The following FHOD3 variants were observed in gnomAD, a reference collection of about 807,000 sequenced individuals.
The protein encoded by FHOD3 is formin homology 2 domain containing 3, also known as FH1/FH2 domain-containing protein 3.
A neutral mutation model predicts 173.0 loss-of-function variants in FHOD3; 90 were observed. The ratio of observed to expected loss-of-function variants is 0.52; its 90% confidence interval spans 0.44 to 0.62. The LOEUF (loss-of-function observed/expected upper bound fraction) is 0.62. Among genes scored for constraint, FHOD3 ranks in the 20% least tolerant of loss-of-function variants. The pLI is 0.00. For missense variants in FHOD3, 1,945 were observed against 2,034.7 expected, an observed-to-expected ratio of 0.96 and a Z score of 0.85; for synonymous variants, 828 against 823.0, an observed-to-expected ratio of 1.01 and a Z score of -0.10.
chr18:36,505,147 T>C (rs59079585), intron 4 of FHOD3, among the ~76,000 whole-genome samples: 5,599 of 152,320 alleles, frequency 0.037, 313 homozygotes, highest in African/African-American at 0.13. Flanking sequence ...CATTACTCAT[T>C]GTGTGTGTTT....
At chr18:36,645,806 A>C (rs1173481235) in intron 10 of FHOD3, among the ~76,000 whole-genome samples, 1 of 152,210 alleles carries the variant, frequency 6.6e-6, no homozygotes, top group African/African-American at 2.4e-5. Flanking sequence ...TTTTTTTAAA[A>C]AAGCAGTCTT....
At chr18:36,722,811 G>A (rs1294538332) in intron 19 of FHOD3, among the ~76,000 whole-genome samples, 1 of 152,206 alleles carries the variant, frequency 6.6e-6, no homozygotes, top group Non-Finnish European at 1.5e-5. Context: ...AAAATGAGGC[G>A]CTGAAGGAGC....
At chr18:36,662,434 C>G (rs1433395885) in intron 14 of FHOD3, among the ~76,000 whole-genome samples, 1 of 152,166 alleles carries the variant, frequency 6.6e-6, no homozygotes, top group Non-Finnish European at 1.5e-5. Context: ...TGCTGAAACC[C>G]AAAGGATCAT....
intron 1 of FHOD3, among the ~76,000 whole-genome samples, chr18:36,351,421 A>G (rs1305475495): frequency 6.6e-6 from 1 of 152,180 alleles, no homozygotes; most frequent in Non-Finnish European, 1.5e-5. Context: ...CAGAAGGGAT[A>G]TAACTGAGGA....
At position 36,737,283 on chromosome 18, in the gene FHOD3, A is replaced by G. The variant is rs1417411357; in HGVS notation, c.3577-3373A>G. Among the ~76,000 whole-genome samples, 3 of 152,362 alleles carry G rather than the reference A, an allele frequency of 2.0e-5. No individual in the cohort carries two copies. The East Asian group carries it at 5.8e-4, about 29-fold the overall frequency. ...CAGGAAGATGTCTTCTGAAGGTTGT[A>G]CAAAGTGTTGACAGTTTTTCATTTT... is the stretch of plus-strand genomic sequence containing the variant. On this transcript the variant is annotated intron_variant, in intron 20 of 28. Coordinates refer to ENST00000590592, the MANE Select transcript of FHOD3 (RefSeq NM_001281740.3).
In FHOD3 at chr18:36,450,108, A is replaced by G. The variant is rs144668418; in HGVS notation, c.338-51824A>G. 2.6e-4 allele frequency among the ~76,000 whole-genome samples: 39 copies of G among 152,274 alleles called. 1 individual carries two copies. In the East Asian group the frequency reaches 6.4e-3, roughly 25 times the overall value. On this transcript the variant is annotated intron_variant, in intron 3 of 28. Transcript: ENST00000590592. ...TCCCTGAGTCCCCAAAGTCCATTGT[A>G]TCATTCTTAGATCTTTGTATCCTCA...
chr18:36,731,107 G>T (rs2041337234), intron 20 of FHOD3, among the ~76,000 whole-genome samples: 1 of 152,154 alleles, frequency 6.6e-6, no homozygotes, highest in Non-Finnish European at 1.5e-5. Flanking sequence ...CTTGTTTCAT[G>T]TCATTTTAAA....
intron 3 of FHOD3, among the ~76,000 whole-genome samples, chr18:36,470,718 A>G (rs2053233328): frequency 6.6e-6 from 1 of 152,228 alleles, no homozygotes; most frequent in South Asian, 2.1e-4. Flanking sequence ...GGGGGCAAAA[A>G]GCAGACAAAT....
At chr18:36,692,149 C>T (rs993212180) in intron 16 of FHOD3, among the ~76,000 whole-genome samples, 2 of 152,172 alleles carry the variant, frequency 1.3e-5, no homozygotes, top group African/African-American at 4.8e-5. Flanking sequence ...AGAAACCACA[C>T]CCACCTTGAG....
chr18:36,542,948 A>T (rs541616044), intron 5 of FHOD3, among the ~76,000 whole-genome samples: 4 of 152,232 alleles, frequency 2.6e-5, no homozygotes, highest in Non-Finnish European at 5.9e-5. Flanking sequence ...ACATTATTCC[A>T]AATATTTCTG....
At chr18:36,482,558 A>G (rs1418473309) in intron 3 of FHOD3, among the ~76,000 whole-genome samples, 1 of 152,036 alleles carries the variant, frequency 6.6e-6, no homozygotes, top group East Asian at 1.9e-4. Context: ...GGAGTATAGT[A>G]GGGAGAGGCA....
intron 1 of FHOD3, among the ~76,000 whole-genome samples, chr18:36,338,177 G>A (rs1250995337): frequency 6.6e-6 from 1 of 152,180 alleles, no homozygotes; most frequent in Non-Finnish European, 1.5e-5. Context: ...TGAAGAAACT[G>A]CACATTTAAT....
At chr18:36,605,880 G>A (rs1303334389) in intron 8 of FHOD3, among the ~76,000 whole-genome samples, 2 of 152,146 alleles carry the variant, frequency 1.3e-5, no homozygotes, top group African/African-American at 2.4e-5. Context: ...CAAAATAAAG[G>A]CCCCTAATAA....
chr18:36,457,352 C>T (rs2052278405), intron 3 of FHOD3, among the ~76,000 whole-genome samples: 1 of 152,118 alleles, frequency 6.6e-6, no homozygotes. Context: ...GATGGGCCAC[C>T]AGGCACCCTG....
chr18:36,711,376 C>A (rs183466596), intron 18 of FHOD3: 1 of 152,210 alleles, frequency 6.6e-6, no homozygotes, highest in African/African-American at 2.4e-5. Context: ...AGTCTCATTC[C>A]AGTTATGTGG....
chr18:36,559,035 C>T (rs1480132404), intron 5 of FHOD3, among the ~76,000 whole-genome samples: 1 of 152,168 alleles, frequency 6.6e-6, no homozygotes, highest in Non-Finnish European at 1.5e-5. Flanking sequence ...GGAAGAATCA[C>T]CTGGCTACAA....
intron 3 of FHOD3, among the ~76,000 whole-genome samples, chr18:36,420,420 C>T (rs938209255): frequency 2.0e-5 from 3 of 152,190 alleles, no homozygotes; most frequent in Non-Finnish European, 4.4e-5. Context: ...ACTGTAGCAC[C>T]CCTTCTGGTG....
At chr18:36,335,512 TA>T (rs1207667238) in intron 1 of FHOD3, among the ~76,000 whole-genome samples, 6 of 147,862 alleles carry the variant, frequency 4.1e-5, no homozygotes, top group East Asian at 3.9e-4. Flanking sequence ...AAAAAAAACT[TA>T]AAAAAAATCT....
At chr18:36,411,891 T>C (rs1357692705) in intron 3 of FHOD3, among the ~76,000 whole-genome samples, 2 of 152,230 alleles carry the variant, frequency 1.3e-5, no homozygotes, top group Non-Finnish European at 2.9e-5. Flanking sequence ...CTTTTTCTCT[T>C]TGGGTAGCTG....
Sources: gnomAD v4.1 joint callset for allele counts (sites outside exome capture counted in the v4.1 genomes callset) on GRCh38, gnomAD v4.1.1 for gene constraint, MANE v1.5 for transcripts, NCBI Gene and HGNC (gene_info 2026-07-23, HGNC 2026-07-21) for gene names.